The following CWH43 variants were observed in gnomAD, a reference collection of about 807,000 sequenced individuals.
CWH43 encodes the protein cell wall biogenesis 43 C-terminal homolog.
In CWH43, 91 loss-of-function variants were observed where a neutral mutation model predicts 85.7. That is an observed-to-expected ratio of 1.06 (90% CI 0.90 to 1.26). The LOEUF is 1.26. Among genes scored for constraint, CWH43 ranks in the 50% most tolerant of loss-of-function variants. CWH43 has a pLI of 0.00. For synonymous variants in CWH43, 323 were observed against 293.6 expected (o/e 1.10, Z -1.02); for missense variants, 869 against 839.2 (o/e 1.04, Z -0.44).
chr4:49,029,368 C>T (rs1420190571), intron 10 of CWH43, among the ~76,000 whole-genome samples: 3 of 152,174 alleles, frequency 2.0e-5, no homozygotes, highest in Non-Finnish European at 2.9e-5. Context: ...TCTCCATTCT[C>T]GATTAACCAG....
At chr4:48,986,803 C>T in intron 1 of CWH43, 2 of 1,190,164 alleles carry the variant, frequency 1.7e-6, no homozygotes, top group East Asian at 4.3e-5. Context: ...CCCCAAAGCC[C>T]CCCACCCGTG....
intron 9 of CWH43, among the ~76,000 whole-genome samples, chr4:49,019,696 CA>C (rs1010273244): frequency 2.0e-5 from 3 of 152,116 alleles, no homozygotes; most frequent in African/African-American, 7.2e-5. Flanking sequence ...TCTCTTGCCT[CA>C]GCCTCCAGAG....
At chr4:49,060,139 G>T (rs1577721241) in intron 15 of CWH43, among the ~76,000 whole-genome samples, 1 of 151,912 alleles carries the variant, frequency 6.6e-6, no homozygotes, top group African/African-American at 2.4e-5. Context: ...TGGCAATGCT[G>T]TCCTGGTGCC....
At chr4:49,031,103 A>AT (rs2109806253) in intron 11 of CWH43, 143 bp downstream of exon 11, 2 of 715,786 alleles carry the variant, frequency 2.8e-6, no homozygotes, top group Middle Eastern at 2.6e-4. Context: ...TGCTGGAGAT[A>AT]TGCACATTCT....
At chr4:49,027,979 T>G (rs1783970504) in intron 9 of CWH43, among the ~76,000 whole-genome samples, 1 of 152,174 alleles carries the variant, frequency 6.6e-6, no homozygotes, top group Non-Finnish European at 1.5e-5. Flanking sequence ...GGGTGTTACA[T>G]CATTCATAAC....
rs1420549696 is a variant in CWH43 at position 49,061,799 on chromosome 4, T to A, written c.2022-13T>A. The A allele has an allele frequency of 1.5e-6, 2 of 1,362,872 alleles. No individual in the cohort carries two copies. Among genetic ancestry groups the A allele is most frequent in the Admixed American group, 3.1e-5 (1 of 32,462 alleles). 84.4% of individuals were successfully genotyped at this position (1,362,872 alleles called of 1,614,324 possible). A position where few individuals can be genotyped will look rare whatever the true frequency, so the allele number is the denominator to read the frequency against. ...CATGCCAATAACTTTTTATTTATTT[T>A]TTATTTTTTTAGATTTGGATCCTAC... On this transcript the variant is annotated splice_polypyrimidine_tract_variant and intron_variant, in intron 15 of 15. Coordinates refer to ENST00000226432, the MANE Select transcript of CWH43 (RefSeq NM_025087.3).
In CWH43 at chr4:49,030,899, C is replaced by A; in HGVS notation, c.1447C>A (p.Leu483Ile). The A allele has an allele frequency of 6.2e-7, 1 of 1,610,366 alleles. No homozygotes were observed. Among genetic ancestry groups the A allele is most frequent in the East Asian group, 2.2e-5 (1 of 44,538 alleles). ...YMGNNDLTMW[L>I]GEKLGFYTDF... Reference sequence around the variant, plus strand: ...GGGGAACAATGACTTAACCATGTGGCTAGGGGAAAAGTTGGGTTTCTATAC... The same window carrying A: ...GGGGAACAATGACTTAACCATGTGGATAGGGGAAAAGTTGGGTTTCTATAC... The change falls in exon 11 of 16, where the codon CTA becomes ATA. Residue 483 changes from leucine to isoleucine, a missense_variant. Leu to Ile is a conservative substitution (Grantham distance 5, BLOSUM62 2). Around this residue, in one of 3 missense-constraint regions of CWH43, gnomAD observed 577 missense variants for 513.1 expected, o/e 1.12. Coordinates refer to ENST00000226432, the MANE Select transcript of CWH43 (RefSeq NM_025087.3).
At chr4:49,061,540 T>G (rs555710740) in intron 15 of CWH43, among the ~76,000 whole-genome samples, 2 of 152,198 alleles carry the variant, frequency 1.3e-5, no homozygotes, top group Non-Finnish European at 2.9e-5. Flanking sequence ...TAAGAGAATA[T>G]TATTCAAACT....
In CWH43 at chr4:49,030,874, G is replaced by A; in HGVS notation, c.1422G>A (p.Met474Ile). ...AGAGTGATGCTTCTAAGCCCTATAT[G>A]GGGAACAATGACTTAACCATGTGGC... ...ILESDASKPYMGNNDLTMWLG... is the reference protein window; with the variant it reads ...ILESDASKPYIGNNDLTMWLG... The change falls in exon 11 of 16, where the codon ATG (methionine) becomes ATA (isoleucine). Residue 474 changes from methionine to isoleucine, a missense_variant. By Grantham distance (10) the Met-to-Ile change is conservative (BLOSUM62 1). Coordinates refer to ENST00000226432, the MANE Select transcript of CWH43 (RefSeq NM_025087.3). 4 of 1,608,952 alleles carry A rather than the reference G, an allele frequency of 2.5e-6. No individual in the cohort carries two copies. The highest frequency in any genetic ancestry group is 3.4e-6 in the Non-Finnish European group (4 of 1,178,176).
At chr4:49,043,759 A>G (rs1370605668) in intron 13 of CWH43, among the ~76,000 whole-genome samples, 4 of 152,068 alleles carry the variant, frequency 2.6e-5, no homozygotes, top group African/African-American at 9.6e-5. Context: ...CTATTTAATT[A>G]TTCCCAATAC....
chr4:49,029,779 C>T (rs1577688344), intron 10 of CWH43, among the ~76,000 whole-genome samples: 1 of 152,242 alleles, frequency 6.6e-6, no homozygotes, highest in East Asian at 1.9e-4. Context: ...GGCCTACTTA[C>T]ACATCCGGGC....
chr4:49,012,018 T>C (rs189908143), intron 8 of CWH43, among the ~76,000 whole-genome samples: 55 of 152,266 alleles, frequency 3.6e-4, no homozygotes, highest in African/African-American at 1.3e-3. Flanking sequence ...GAATGTTGGC[T>C]TGCCTTGCTA....
In CWH43 at chr4:49,061,851, C is replaced by G; in HGVS notation, c.2061C>G (p.Asn687Lys). ...SYKEGHNYEN[N>K]HHFHMNTPKY... ...AAGAAGGACACAATTATGAAAACAA[C>G]CATCATTTTCATATGAATACTCCCA... Residue 687 changes from asparagine to lysine, a missense_variant, in exon 16 of 16, where the codon AAC becomes AAG. By Grantham distance (94) the Asn-to-Lys change is moderately conservative (BLOSUM62 0). Around this residue, in one of 3 missense-constraint regions of CWH43, gnomAD observed 577 missense variants for 513.1 expected, o/e 1.12. Transcript: ENST00000226432. The G allele has an allele frequency of 5.0e-6, 7 of 1,393,678 alleles. No homozygotes were observed. The highest frequency in any genetic ancestry group is 6.7e-6 in the Non-Finnish European group (7 of 1,048,490). The allele number at this position is 1,393,678 out of a possible 1,614,324, so 86.3% of individuals were successfully genotyped here.
intron 8 of CWH43, among the ~76,000 whole-genome samples, chr4:49,009,740 GT>G (rs1463739790): frequency 6.6e-6 from 1 of 152,040 alleles, no homozygotes; most frequent in Non-Finnish European, 1.5e-5. Context: ...TAATCACGTG[GT>G]TTTTGTCTTT....
At chr4:48,990,447 T>C (rs1433570927) in intron 2 of CWH43, among the ~76,000 whole-genome samples, 1 of 152,172 alleles carries the variant, frequency 6.6e-6, no homozygotes, top group African/African-American at 2.4e-5. Flanking sequence ...AACAACTTTG[T>C]TTTTAGAGTC....
intron 14 of CWH43, among the ~76,000 whole-genome samples, chr4:49,046,378 G>C (rs1430362414): frequency 6.6e-6 from 1 of 151,960 alleles, no homozygotes; most frequent in East Asian, 1.9e-4. Flanking sequence ...TTTATGTACT[G>C]GGTGTTGTTC....
In CWH43 at chr4:49,038,180, G is replaced by A; in HGVS notation, c.1803G>A (p.Lys601=). ...AGCTCACTGAACATGGCAATGTGAA[G>A]GTAACATAATCTTAATAGGATTTCT... The part of the protein sequence containing the change: ...YLQLTEHGNV[K]DIDSTDHDRW... Residue 601 remains lysine, a splice_region_variant and synonymous_variant, in exon 13 of 16, where the codon AAG becomes AAA. Coordinates refer to ENST00000226432, the MANE Select transcript of CWH43 (RefSeq NM_025087.3). 1 of 1,553,740 alleles carries A rather than the reference G, an allele frequency of 6.4e-7. No individual in the cohort carries two copies. The highest frequency in any genetic ancestry group is 8.7e-7 in the Non-Finnish European group (1 of 1,150,800).
At chr4:49,041,230 C>T (rs1379994024) in intron 13 of CWH43, among the ~76,000 whole-genome samples, 2 of 152,126 alleles carry the variant, frequency 1.3e-5, no homozygotes, top group Non-Finnish European at 2.9e-5. Context: ...AATGCGGGCT[C>T]TTTTTTGGTT....
At chr4:49,029,812 T>C (rs1026894782) in intron 10 of CWH43, among the ~76,000 whole-genome samples, 1 of 152,226 alleles carries the variant, frequency 6.6e-6, no homozygotes, top group Non-Finnish European at 1.5e-5. Flanking sequence ...CTTGAACTTA[T>C]TTGTAACACA....
Sources: allele counts gnomAD v4.1 joint callset (sites outside exome capture counted in the v4.1 genomes callset), GRCh38; gene constraint gnomAD v4.1.1; regional missense constraint gnomAD v4.1.1; transcripts MANE v1.5; gene names NCBI Gene and HGNC (gene_info 2026-07-23, HGNC 2026-07-21).